Variants in ZFHX3 observed in about 807,000 individuals in gnomAD.
ZFHX3 encodes the protein zinc finger homeobox protein 3.
ZFHX3 carries 42 observed loss-of-function variants against 279.1 expected under a neutral mutation model. The observed-to-expected ratio is 0.15, with a 90% CI of 0.12 to 0.19. The LOEUF is 0.19. ZFHX3 is among the 10% of genes least tolerant of loss of function. The pLI is 1.00. For synonymous variants in ZFHX3, 2,293 were observed against 1,957.8 expected (o/e 1.17, Z -4.52); for missense variants, 4,981 against 4,754.0 (o/e 1.05, Z -1.40).
chr16:73,614,795 T>C (rs962390327), intron 2 of ZFHX3, among the ~76,000 whole-genome samples: 1 of 152,120 alleles, frequency 6.6e-6, no homozygotes, highest in African/African-American at 2.4e-5. Context: ...GGGTGTCCTC[T>C]GTCACCCAGG....
chr16:73,834,842 C>G (rs1961094227), intron 1 of ZFHX3, among the ~76,000 whole-genome samples: 1 of 152,118 alleles, frequency 6.6e-6, no homozygotes, highest in South Asian at 2.1e-4. Flanking sequence ...AGTGAGCCTA[C>G]CAGCACCACG....
intron 1 of ZFHX3, among the ~76,000 whole-genome samples, chr16:73,749,692 C>G (rs561748405): frequency 3.3e-5 from 5 of 152,256 alleles, no homozygotes; most frequent in African/African-American, 7.2e-5. Flanking sequence ...AGGCAGGACA[C>G]CAATGCCACG....
At chr16:73,668,753 G>A (rs1402808342) in intron 2 of ZFHX3, among the ~76,000 whole-genome samples, 1 of 151,844 alleles carries the variant, frequency 6.6e-6, no homozygotes, top group Admixed American at 6.6e-5. Context: ...GTGGGCAAAG[G>A]ATATGAACAG....
At chr16:73,416,136 A>AAC (rs2017574076) in intron 3 of ZFHX3, among the ~76,000 whole-genome samples, 1 of 151,238 alleles carries the variant, frequency 6.6e-6, no homozygotes, top group African/African-American at 2.4e-5. Flanking sequence ...AAAAAAAAAA[A>AAC]AACAAAAAAC....
chr16:73,239,934 A>C (rs1055518099), intron 5 of ZFHX3, among the ~76,000 whole-genome samples: 1 of 152,144 alleles, frequency 6.6e-6, no homozygotes, highest in Non-Finnish European at 1.5e-5. Context: ...AGGTTCCTGC[A>C]AGCCTCTGGT....
chr16:73,313,011 G>C (rs76081188), intron 4 of ZFHX3, among the ~76,000 whole-genome samples: 9,490 of 152,220 alleles, frequency 0.062, 386 homozygotes, highest in East Asian at 0.23. Context: ...ATGTTGAATT[G>C]TCATCCCCAT....
chr16:73,352,689 T>C (rs1332842678), intron 3 of ZFHX3, among the ~76,000 whole-genome samples: 1 of 152,010 alleles, frequency 6.6e-6, no homozygotes, highest in Non-Finnish European at 1.5e-5. Context: ...CTTGCTATGT[T>C]GCCCAGGCTT....
chr16:72,817,577 C>T (rs374914540), intron 5 of ZFHX3, among the ~76,000 whole-genome samples: 1 of 152,212 alleles, frequency 6.6e-6, no homozygotes, highest in African/African-American at 2.4e-5. Context: ...ACTAAACACA[C>T]CAGTGCGCTG....
chr16:73,836,268 A>G (rs114912030), intron 1 of ZFHX3, among the ~76,000 whole-genome samples: 2,709 of 152,284 alleles, frequency 0.018, 91 homozygotes, highest in African/African-American at 0.061. Flanking sequence ...GTTTGTCTGC[A>G]AAGTCCACTA....
At chr16:73,069,688 C>A (rs183905321) in intron 8 of ZFHX3, among the ~76,000 whole-genome samples, 67 of 152,274 alleles carry the variant, frequency 4.4e-4, no homozygotes, top group African/African-American at 1.3e-3. Context: ...ACCAACTGGT[C>A]CCAGTTTACC....
At chr16:73,840,374 C>G (rs1961272195) in intron 1 of ZFHX3, among the ~76,000 whole-genome samples, 11 of 152,172 alleles carry the variant, frequency 7.2e-5, no homozygotes. Context: ...TTTAATGGTT[C>G]ATACACAACC....
chr16:73,405,226 A>G (rs891084919), intron 3 of ZFHX3, among the ~76,000 whole-genome samples: 10 of 152,248 alleles, frequency 6.6e-5, no homozygotes, highest in Admixed American at 4.6e-4. Context: ...AATGAACCAA[A>G]GGCAAATGGG....
intron 1 of ZFHX3, among the ~76,000 whole-genome samples, chr16:73,713,171 T>C (rs1368894164): frequency 6.6e-6 from 1 of 152,236 alleles, no homozygotes; most frequent in African/African-American, 2.4e-5. Flanking sequence ...TAATGAAGTA[T>C]AAAAATGCCT....
At chr16:73,057,955 G>A (rs1423132174) in intron 1 of ZFHX3, among the ~76,000 whole-genome samples, 3 of 147,608 alleles carry the variant, frequency 2.0e-5, no homozygotes, top group African/African-American at 4.9e-5. Flanking sequence ...CCGGGGCCCC[G>A]GCGCCTCTCG....
intron 5 of ZFHX3, among the ~76,000 whole-genome samples, chr16:73,166,280 C>T (rs1477049032): frequency 6.6e-6 from 1 of 152,170 alleles, no homozygotes; most frequent in Non-Finnish European, 1.5e-5. Context: ...GGGCTTCATA[C>T]ACCAGTGTTA....
At chr16:73,001,022 C>A (rs1963477642) in intron 1 of ZFHX3, among the ~76,000 whole-genome samples, 1 of 152,246 alleles carries the variant, frequency 6.6e-6, no homozygotes, top group Non-Finnish European at 1.5e-5. Context: ...GTGTAGTCCC[C>A]TCCCCTTGGG....
intron 1 of ZFHX3, among the ~76,000 whole-genome samples, chr16:73,854,743 A>T (rs1157189207): frequency 2.6e-5 from 4 of 151,606 alleles, no homozygotes; most frequent in African/African-American, 9.7e-5. Flanking sequence ...AAAAAAAAAA[A>T]AAAAAAAAGA....
In ZFHX3 at chr16:72,784,030, T is replaced by G. The variant is rs1033861312; in HGVS notation, c.*3134A>C. The stretch of plus-strand genomic sequence containing the variant: ...ATTCTTACTTTTTTCAATGAACATA[T>G]ATGTGGGCGGTTTAGTTGCAGAGGA... On this transcript the variant is annotated 3_prime_UTR_variant, in exon 10 of 10. Transcript: ENST00000268489. 2 of 152,296 alleles carry G rather than the reference T, an allele frequency of 1.3e-5. No individual in the cohort carries two copies. The highest frequency in any genetic ancestry group is 4.1e-4 in the South Asian group (2 of 4,826). 9.4% of individuals were successfully genotyped at this position (152,296 alleles called of 1,614,324 possible). A position where few individuals can be genotyped will look rare whatever the true frequency, so the allele number is the denominator to read the frequency against.
intron 2 of ZFHX3, among the ~76,000 whole-genome samples, chr16:73,470,924 G>T (rs144821346): frequency 9.2e-5 from 14 of 152,226 alleles, no homozygotes; most frequent in African/African-American, 3.4e-4. Flanking sequence ...TATCCTCAAA[G>T]ATCCATATTC....
Sources: allele counts gnomAD v4.1 joint callset (sites outside exome capture counted in the v4.1 genomes callset), GRCh38; gene constraint gnomAD v4.1.1; transcripts MANE v1.5; gene names NCBI Gene and HGNC (gene_info 2026-07-23, HGNC 2026-07-21).